PDZRN3: variants seen among roughly 807,000 people sequenced by gnomAD.
PDZRN3 encodes the protein PDZ domain containing ring finger 3, also known as E3 ubiquitin-protein ligase PDZRN3.
A neutral mutation model predicts 85.7 loss-of-function variants in PDZRN3; 38 were observed. That is an observed-to-expected ratio of 0.44 (90% CI 0.34 to 0.58). PDZRN3 has a LOEUF of 0.58. Among genes scored for constraint, PDZRN3 ranks in the 20% least tolerant of loss-of-function variants. PDZRN3 has a pLI of 0.01. For synonymous variants in PDZRN3, 759 were observed against 638.0 expected (o/e 1.19, Z -2.86); for missense variants, 1,629 against 1,506.4 (o/e 1.08, Z -1.35).
intron 3 of PDZRN3, among the ~76,000 whole-genome samples, chr3:73,524,611 G>A (rs1464327113): frequency 6.6e-6 from 1 of 152,162 alleles, no homozygotes; most frequent in Admixed American, 6.5e-5. Context: ...CTGCTTTGAT[G>A]TGAGATCAAC....
intron 3 of PDZRN3, among the ~76,000 whole-genome samples, chr3:73,496,571 T>TA (rs56806571): frequency 0.97 from 145,368 of 150,330 alleles, 70,410 homozygotes; most frequent in Non-Finnish European, 1. Context: ...AAAGAGGACT[T>TA]AAAAAAAAAC....
chr3:73,553,488 A>G (rs1225378805), intron 3 of PDZRN3, among the ~76,000 whole-genome samples: 5 of 152,028 alleles, frequency 3.3e-5, no homozygotes, highest in African/African-American at 7.2e-5. Context: ...AGGCAGGAGA[A>G]TCGCTTGAAC....
chr3:73,623,889 G>A (rs1227181228), intron 1 of PDZRN3: 11 of 424,928 alleles, frequency 2.6e-5, no homozygotes, highest in Middle Eastern at 5.9e-4. Flanking sequence ...ATACTTTACC[G>A]GTTACGTCTA....
At chr3:73,605,490 G>C (rs899024022) in intron 2 of PDZRN3, among the ~76,000 whole-genome samples, 2 of 152,146 alleles carry the variant, frequency 1.3e-5, no homozygotes, top group African/African-American at 4.8e-5. Flanking sequence ...ACTAACAAAT[G>C]AATGATATGA....
intron 3 of PDZRN3, among the ~76,000 whole-genome samples, chr3:73,572,573 C>G (rs114044628): frequency 6.6e-6 from 1 of 152,138 alleles, no homozygotes; most frequent in African/African-American, 2.4e-5. Flanking sequence ...CTGTACATTC[C>G]GGCTGTCAGG....
chr3:73,536,751 T>C (rs1704797666), intron 3 of PDZRN3, among the ~76,000 whole-genome samples: 1 of 152,072 alleles, frequency 6.6e-6, no homozygotes, highest in South Asian at 2.1e-4. Context: ...GGAAAGAGGT[T>C]TTCCACATTC....
chr3:73,395,681 T>C (rs1041953157), intron 5 of PDZRN3, among the ~76,000 whole-genome samples: 2 of 152,354 alleles, frequency 1.3e-5, no homozygotes, highest in African/African-American at 4.8e-5. Flanking sequence ...TTAAGTTATC[T>C]CAACAGTTTC....
At chr3:73,535,312 A>G (rs1704756178) in intron 3 of PDZRN3, among the ~76,000 whole-genome samples, 1 of 152,194 alleles carries the variant, frequency 6.6e-6, no homozygotes, top group African/African-American at 2.4e-5. Context: ...TACAGTGACA[A>G]TCACTTTGTG....
Position 73,384,775 on chromosome 3 carries a change from G to A in PDZRN3, c.1791C>T (p.Ser597=), listed in dbSNP as rs761404173. 27 of 1,613,856 alleles carry A rather than the reference G, an allele frequency of 1.7e-5. No individual in the cohort carries two copies. The highest frequency in any genetic ancestry group is 4.5e-5 in the East Asian group (2 of 44,894). The change falls in exon 10 of 10, where the codon TCC becomes TCT. Residue 597 remains serine (S), a synonymous_variant. Coordinates refer to ENST00000263666, the MANE Select transcript of PDZRN3 (RefSeq NM_015009.3). ...ENNGDDATAS[S]NPLAGQRKLT... is the part of the protein sequence containing the mutation. ...GCTTCCTCTGCCCCGCCAGCGGGTTGGAGGATGCGGTGGCGTCGTCGCCAT... is the reference window on the plus strand; with the variant it reads ...GCTTCCTCTGCCCCGCCAGCGGGTTAGAGGATGCGGTGGCGTCGTCGCCAT...
At chr3:73,609,069 T>C (rs541132951) in intron 1 of PDZRN3, among the ~76,000 whole-genome samples, 2 of 152,288 alleles carry the variant, frequency 1.3e-5, no homozygotes, top group African/African-American at 4.8e-5. Context: ...AACAGCAGCA[T>C]TCATGTCATG....
intron 3 of PDZRN3, among the ~76,000 whole-genome samples, chr3:73,470,582 T>G (rs138752104): frequency 6.2e-4 from 95 of 152,330 alleles, no homozygotes; most frequent in African/African-American, 2.2e-3. Context: ...CCACCCCACT[T>G]ACTGCCCGCC....
At chr3:73,574,452 T>TGGGGGGG (rs776864460) in intron 3 of PDZRN3, among the ~76,000 whole-genome samples, 16 of 23,594 alleles carry the variant, frequency 6.8e-4, no homozygotes, top group Non-Finnish European at 1.0e-3. Context: ...TTTTTTTGGC[T>TGGGGGGG]GGGGTGGGGG....
At chr3:73,399,972 T>C (rs1311213375) in intron 5 of PDZRN3, among the ~76,000 whole-genome samples, 2 of 152,234 alleles carry the variant, frequency 1.3e-5, no homozygotes, top group African/African-American at 4.8e-5. Context: ...TTTTCTACTA[T>C]TTGACTGCTT....
At chr3:73,508,568 G>A (rs1010974540) in intron 3 of PDZRN3, among the ~76,000 whole-genome samples, 3 of 152,128 alleles carry the variant, frequency 2.0e-5, no homozygotes, top group Admixed American at 6.5e-5. Flanking sequence ...ACTAGGGGGC[G>A]ATTTAGGAGT....
chr3:73,449,592 T>A (rs1011088914), intron 3 of PDZRN3, among the ~76,000 whole-genome samples: 3 of 152,220 alleles, frequency 2.0e-5, no homozygotes. Context: ...GTTAATCATA[T>A]CCCACGCCTC....
intron 3 of PDZRN3, among the ~76,000 whole-genome samples, chr3:73,554,189 A>G (rs1334561775): frequency 6.6e-6 from 1 of 152,130 alleles, no homozygotes; most frequent in Non-Finnish European, 1.5e-5. Flanking sequence ...TATTTTTACA[A>G]TCTTATATAT....
chr3:73,514,533 C>T (rs536385465), intron 3 of PDZRN3, among the ~76,000 whole-genome samples: 1 of 152,138 alleles, frequency 6.6e-6, no homozygotes. Context: ...CATGAATACA[C>T]AAATATACTT....
intron 3 of PDZRN3, among the ~76,000 whole-genome samples, chr3:73,432,812 TA>T (rs1319559330): frequency 3.9e-5 from 6 of 152,172 alleles, no homozygotes; most frequent in African/African-American, 9.7e-5. Flanking sequence ...TTAGCTGGAT[TA>T]TTTTTTTTTT....
At chr3:73,567,496 G>A (rs1701970035) in intron 3 of PDZRN3, among the ~76,000 whole-genome samples, 1 of 152,006 alleles carries the variant, frequency 6.6e-6, no homozygotes. Context: ...ATGATTAACA[G>A]ATTTTATCAA....
Sources: allele counts gnomAD v4.1 joint callset (sites outside exome capture counted in the v4.1 genomes callset), GRCh38; gene constraint gnomAD v4.1.1; transcripts MANE v1.5; gene names NCBI Gene and HGNC (gene_info 2026-07-23, HGNC 2026-07-21).